Variants in PTPRD observed in about 807,000 individuals in gnomAD.
PTPRD encodes protein tyrosine phosphatase receptor type D.
PTPRD carries 34 observed loss-of-function variants against 214.5 expected under a neutral mutation model. That is an observed-to-expected ratio of 0.16 (90% CI 0.12 to 0.21). The LOEUF (loss-of-function observed/expected upper bound fraction) is 0.21, where lower values mean the gene tolerates loss of function less well. Among genes scored for constraint, PTPRD ranks in the 10% least tolerant of loss-of-function variants. PTPRD has a pLI of 1.00. For missense variants in PTPRD, 2,545 were observed against 2,398.7 expected, an observed-to-expected ratio of 1.06 and a Z score of -1.27; for synonymous variants, 1,128 against 845.7, an observed-to-expected ratio of 1.33 and a Z score of -5.79.
chr9:8,548,882 C>T (rs1375962185), intron 14 of PTPRD, among the ~76,000 whole-genome samples: 7 of 151,398 alleles, frequency 4.6e-5, no homozygotes, highest in African/African-American at 7.3e-5. Flanking sequence ...TTAGTAGAGA[C>T]GGGGTTTCTC....
intron 3 of PTPRD, among the ~76,000 whole-genome samples, chr9:10,051,598 CA>C (rs2097536434): frequency 6.6e-6 from 1 of 151,714 alleles, no homozygotes; most frequent in Non-Finnish European, 1.5e-5. Context: ...TATCCCTCCC[CA>C]CTCCCCCCAC....
intron 10 of PTPRD, among the ~76,000 whole-genome samples, chr9:9,165,051 CA>C (rs35703586): frequency 0.099 from 11,576 of 117,378 alleles, 576 homozygotes; most frequent in African/African-American, 0.18. Context: ...GACTCCATCT[CA>C]AAAAAAAAAA....
chr9:9,370,654 TAGGAGTGGTGAGAGAG>T (rs1181931124), intron 9 of PTPRD, among the ~76,000 whole-genome samples: 1 of 151,502 alleles, frequency 6.6e-6, no homozygotes, highest in Non-Finnish European at 1.5e-5. Flanking sequence ...CTATGTTGAA[TAGGAGTGGTGAGAGAG>T]GGCATCCCTG....
chr9:8,970,564 A>G (rs1302279955), intron 11 of PTPRD, among the ~76,000 whole-genome samples: 3 of 151,824 alleles, frequency 2.0e-5, no homozygotes, highest in Non-Finnish European at 4.4e-5. Context: ...AAAAAGAGAC[A>G]AGGAAACAAT....
At position 9,512,750 on chromosome 9, in the gene PTPRD, G is replaced by A. The variant is rs146578199; in HGVS notation, c.-237+61982C>T. On this transcript the variant is annotated intron_variant, in intron 8 of 45. Coordinates refer to ENST00000381196, the MANE Select transcript of PTPRD (RefSeq NM_002839.4). ...CTATCAACATATCTGTGGCCACAGG[G>A]ATAATTTGACTGGCTCCATAGTACC... 3.9e-3 allele frequency among the ~76,000 whole-genome samples: 593 copies of A among 151,526 alleles called. 5 individuals carry two copies. Among genetic ancestry groups the A allele is most frequent in the African/African-American group, 0.013 (545 of 41,376 alleles).
At chr9:8,604,095 C>A (rs2095051983) in intron 14 of PTPRD, among the ~76,000 whole-genome samples, 1 of 152,148 alleles carries the variant, frequency 6.6e-6, no homozygotes. Flanking sequence ...AATTAACATT[C>A]ATTGACAATC....
At chr9:10,103,137 G>A (rs1229333812) in intron 3 of PTPRD, among the ~76,000 whole-genome samples, 1 of 151,524 alleles carries the variant, frequency 6.6e-6, no homozygotes, top group Admixed American at 6.6e-5. Flanking sequence ...AGAGAAAATG[G>A]CTGAACAAGG....
At chr9:8,552,496 C>G (rs1295317208) in intron 14 of PTPRD, among the ~76,000 whole-genome samples, 1 of 152,116 alleles carries the variant, frequency 6.6e-6, no homozygotes, top group East Asian at 1.9e-4. Context: ...CACCAAACCA[C>G]CTTCATTGCA....
At chr9:10,371,964 T>G (rs2097632997) in intron 2 of PTPRD, among the ~76,000 whole-genome samples, 1 of 151,992 alleles carries the variant, frequency 6.6e-6, no homozygotes, top group African/African-American at 2.4e-5. Context: ...TACTTCTTAG[T>G]TGAAAGATGT....
chr9:9,339,581 G>A (rs1446731975), intron 9 of PTPRD, among the ~76,000 whole-genome samples: 1 of 152,146 alleles, frequency 6.6e-6, no homozygotes, highest in Non-Finnish European at 1.5e-5. Context: ...ACTCACAGTT[G>A]TTACATAACA....
intron 2 of PTPRD, among the ~76,000 whole-genome samples, chr9:10,577,858 T>C (rs1339775598): frequency 2.0e-5 from 3 of 151,936 alleles, no homozygotes; most frequent in Non-Finnish European, 4.4e-5. Context: ...TTCATGTTTA[T>C]AGTACAGGAA....
At chr9:9,583,000 G>C (rs2091164712) in intron 7 of PTPRD, among the ~76,000 whole-genome samples, 1 of 151,992 alleles carries the variant, frequency 6.6e-6, no homozygotes, top group Admixed American at 6.6e-5. Flanking sequence ...AACAAAATAT[G>C]TGATTAAAAA....
intron 5 of PTPRD, among the ~76,000 whole-genome samples, chr9:9,833,175 G>T (rs887287310): frequency 6.6e-6 from 1 of 151,886 alleles, no homozygotes; most frequent in African/African-American, 2.4e-5. Flanking sequence ...TTCTATCAGG[G>T]GACCTGCCCC....
chr9:8,888,949 C>A (rs1272362153), intron 11 of PTPRD, among the ~76,000 whole-genome samples: 1 of 152,144 alleles, frequency 6.6e-6, no homozygotes, highest in Admixed American at 6.6e-5. Context: ...CAGTAATATC[C>A]TTTCCTTATA....
At chr9:8,547,464 G>A (rs981222830) in intron 14 of PTPRD, among the ~76,000 whole-genome samples, 2 of 151,976 alleles carry the variant, frequency 1.3e-5, no homozygotes, top group Non-Finnish European at 2.9e-5. Flanking sequence ...GTAACATGGT[G>A]AAAACCAGTC....
intron 3 of PTPRD, among the ~76,000 whole-genome samples, chr9:10,174,717 G>T (rs928966003): frequency 6.6e-6 from 1 of 151,770 alleles, no homozygotes; most frequent in Non-Finnish European, 1.5e-5. Flanking sequence ...ACATATATAT[G>T]TACAGATGCC....
chr9:10,611,461 T>C (rs1484758883), intron 2 of PTPRD, among the ~76,000 whole-genome samples: 1 of 152,224 alleles, frequency 6.6e-6, no homozygotes, highest in Non-Finnish European at 1.5e-5. Flanking sequence ...ATTTAGATAT[T>C]ACAAAATATT....
At chr9:8,550,932 T>C (rs903000630) in intron 14 of PTPRD, among the ~76,000 whole-genome samples, 4 of 152,220 alleles carry the variant, frequency 2.6e-5, no homozygotes, top group African/African-American at 9.6e-5. Flanking sequence ...ACAGTGAGCT[T>C]ATGCTATAGC....
intron 2 of PTPRD, among the ~76,000 whole-genome samples, chr9:10,605,039 C>T (rs768355641): frequency 5.3e-5 from 8 of 151,738 alleles, no homozygotes; most frequent in South Asian, 2.1e-4. Context: ...GAAATCAAGA[C>T]GTGAACTTAG....
Sources: gnomAD v4.1 joint callset for allele counts (sites outside exome capture counted in the v4.1 genomes callset) on GRCh38, gnomAD v4.1.1 for gene constraint, MANE v1.5 for transcripts, NCBI Gene and HGNC (gene_info 2026-07-23, HGNC 2026-07-21) for gene names.